Variants in TEAD1 observed in about 807,000 individuals in gnomAD.
TEAD1 encodes TEA domain transcription factor 1, also known as transcriptional enhancer factor TEF-1.
TEAD1 carries 9 observed loss-of-function variants against 54.9 expected under a neutral mutation model. The observed-to-expected ratio is 0.16, with a 90% CI of 0.10 to 0.29. TEAD1 has a LOEUF of 0.29. TEAD1 is among the 10% of genes least tolerant of loss of function. The pLI is 1.00. For synonymous variants in TEAD1, 200 were observed against 187.8 expected (o/e 1.07, Z -0.53); for missense variants, 387 against 535.9 (o/e 0.72, Z 2.74).
chr11:12,735,994 A>G (rs1335189930), intron 2 of TEAD1, among the ~76,000 whole-genome samples: 1 of 152,234 alleles, frequency 6.6e-6, no homozygotes, highest in East Asian at 1.9e-4. Context: ...CTAGTACATA[A>G]TAGGCCATGT....
At chr11:12,913,225 T>A (rs1948649117) in intron 10 of TEAD1, among the ~76,000 whole-genome samples, 1 of 152,116 alleles carries the variant, frequency 6.6e-6, no homozygotes, top group Non-Finnish European at 1.5e-5. Flanking sequence ...CATGTGCAGG[T>A]AAAGATCCAC....
rs758427773 is a variant in TEAD1 at position 12,692,508 on chromosome 11, G to A, written c.-55+16947G>A. Among the ~76,000 whole-genome samples the A allele has an allele frequency of 2.6e-5, 4 of 151,822 alleles. No homozygotes were observed. The South Asian group carries it at 6.2e-4, about 24-fold the overall frequency. ...TTTAATGCCCCTCACCCACCACCCC[G>A]GCTTTTTTTTCTTTTTAAAGCCGCA... On this transcript the variant is annotated intron_variant, in intron 2 of 12. Coordinates refer to ENST00000527636, the MANE Select transcript of TEAD1 (RefSeq NM_021961.6).
chr11:12,869,919 G>A (rs144212389), intron 5 of TEAD1, among the ~76,000 whole-genome samples: 16 of 151,358 alleles, frequency 1.1e-4, no homozygotes, highest in African/African-American at 2.2e-4. Flanking sequence ...TTGCTTTGTC[G>A]CCCGGGCGGG....
chr11:12,717,173 G>A (rs1018717060), intron 2 of TEAD1, among the ~76,000 whole-genome samples: 1 of 152,140 alleles, frequency 6.6e-6, no homozygotes, highest in Non-Finnish European at 1.5e-5. Context: ...AGAGTGATTC[G>A]GGGCTAATAA....
At chr11:12,798,053 C>T (rs1945973756) in intron 3 of TEAD1, among the ~76,000 whole-genome samples, 1 of 152,208 alleles carries the variant, frequency 6.6e-6, no homozygotes, top group Non-Finnish European at 1.5e-5. Context: ...GTTTGTGTAA[C>T]ATATCAACTC....
intron 2 of TEAD1, among the ~76,000 whole-genome samples, chr11:12,727,622 G>A (rs1944339831): frequency 1.3e-5 from 2 of 152,290 alleles, no homozygotes; most frequent in Middle Eastern, 3.4e-3. Flanking sequence ...ACTCTGTACT[G>A]TATACCGATA....
intron 2 of TEAD1, among the ~76,000 whole-genome samples, chr11:12,739,005 C>T (rs1158862058): frequency 2.0e-5 from 3 of 152,210 alleles, no homozygotes; most frequent in Non-Finnish European, 4.4e-5. Flanking sequence ...ACATAGGTAT[C>T]CAGGAAGGCT....
At chr11:12,780,901 G>C (rs1297957041) in intron 3 of TEAD1, among the ~76,000 whole-genome samples, 1 of 152,114 alleles carries the variant, frequency 6.6e-6, no homozygotes, top group Non-Finnish European at 1.5e-5. Context: ...AAACAATCTT[G>C]AAAAAGAAGA....
chr11:12,754,737 C>T (rs1944951235), intron 2 of TEAD1, among the ~76,000 whole-genome samples: 2 of 152,134 alleles, frequency 1.3e-5, no homozygotes, highest in South Asian at 2.1e-4. Flanking sequence ...CAGGGCTTGG[C>T]CTTCGCAGTT....
chr11:12,886,876 T>C (rs11022533), intron 9 of TEAD1, among the ~76,000 whole-genome samples: 63,984 of 151,902 alleles, frequency 0.42, 14,907 homozygotes, highest in Admixed American at 0.53. Context: ...CTAATAGATA[T>C]GTTGATGTTT....
At chr11:12,898,384 A>G (rs1948354669) in intron 9 of TEAD1, among the ~76,000 whole-genome samples, 1 of 150,678 alleles carries the variant, frequency 6.6e-6, no homozygotes, top group African/African-American at 2.4e-5. Flanking sequence ...GCTATAATTT[A>G]TTGAACATGA....
At position 12,720,688 on chromosome 11, in the gene TEAD1, T is replaced by G. The variant is rs866370093; in HGVS notation, c.-54-43491T>G. Among the ~76,000 whole-genome samples, 19 of 152,292 alleles carry G rather than the reference T, an allele frequency of 1.2e-4. No homozygotes were observed. In the Middle Eastern group the frequency reaches 0.014, roughly 109 times the overall value. ...GGTGCTATGGAAGGTGCCCAATAAT[T>G]GTAACCAGCAGAGCTCTGTAAGTGG... is the stretch of plus-strand genomic sequence containing the variant. On this transcript the variant is annotated intron_variant, in intron 2 of 12. Transcript: ENST00000527636.
chr11:12,800,470 A>G (rs1946031406), intron 3 of TEAD1, among the ~76,000 whole-genome samples: 2 of 152,148 alleles, frequency 1.3e-5, no homozygotes, highest in South Asian at 4.2e-4. Flanking sequence ...AGCTGGGGAG[A>G]CTGACAGGAA....
chr11:12,729,803 G>T (rs1040657293), intron 2 of TEAD1, among the ~76,000 whole-genome samples: 2 of 152,144 alleles, frequency 1.3e-5, no homozygotes, highest in Admixed American at 6.5e-5. Flanking sequence ...ATGCCCTCAC[G>T]ATAGAGAATG....
chr11:12,674,881 G>C (rs576094244), intron 1 of TEAD1, 47 bp downstream of exon 1: 3 of 146,826 alleles, frequency 2.0e-5, no homozygotes, highest in Admixed American at 6.8e-5. Flanking sequence ...GGGCGCACGG[G>C]GCAGCGGGGG....
chr11:12,723,748 C>G (rs1189405355), intron 2 of TEAD1, among the ~76,000 whole-genome samples: 1 of 152,162 alleles, frequency 6.6e-6, no homozygotes, highest in East Asian at 1.9e-4. Flanking sequence ...TTATGTAGTA[C>G]AGAGTGAGGA....
intron 3 of TEAD1, among the ~76,000 whole-genome samples, chr11:12,808,688 G>A (rs910246206): frequency 2.0e-5 from 3 of 152,162 alleles, no homozygotes; most frequent in Admixed American, 2.0e-4. Context: ...TAGGGAAAAA[G>A]CAACCACTGT....
intron 2 of TEAD1, among the ~76,000 whole-genome samples, chr11:12,744,302 C>G (rs1944704447): frequency 6.6e-6 from 1 of 152,186 alleles, no homozygotes; most frequent in African/African-American, 2.4e-5. Context: ...GGCTAGGAAT[C>G]TGTCCTTGAG....
chr11:12,924,789 A>C, intron 10 of TEAD1, 123 bp from the exon 11 acceptor site: 1 of 1,230,162 alleles, frequency 8.1e-7, no homozygotes, highest in Non-Finnish European at 1.2e-6. Context: ...CTAGATGAGC[A>C]TCACCTTCCC....
Sources: gnomAD v4.1 joint callset for allele counts (sites outside exome capture counted in the v4.1 genomes callset) on GRCh38, gnomAD v4.1.1 for gene constraint, MANE v1.5 for transcripts, NCBI Gene and HGNC (gene_info 2026-07-23, HGNC 2026-07-21) for gene names.